The following COA1 variants were observed in gnomAD, a reference collection of about 807,000 sequenced individuals.
COA1 encodes cytochrome c oxidase assembly factor 1 homolog.
A neutral mutation model predicts 16.0 loss-of-function variants in COA1; 13 were observed. That is an observed-to-expected ratio of 0.81 (90% CI 0.53 to 1.29). The LOEUF (loss-of-function observed/expected upper bound fraction) is 1.29, where lower values mean the gene tolerates loss of function less well. Ranked by LOEUF, COA1 falls within the 50% of genes most tolerant of loss-of-function variation. The pLI is 0.00. For synonymous variants in COA1, 65 were observed against 65.7 expected (o/e 0.99, Z 0.05); for missense variants, 179 against 177.0 (o/e 1.01, Z -0.06).
At chr7:43,619,758 C>A (rs2153006314) in intron 6 of COA1, 1 of 1,605,010 alleles carries the variant, frequency 6.2e-7, no homozygotes, top group South Asian at 1.1e-5. Context: ...GTTCTGGGGT[C>A]AGGCATCACC....
chr7:43,728,571 A>C (rs999533168), intron 1 of COA1, among the ~76,000 whole-genome samples: 3 of 152,200 alleles, frequency 2.0e-5, no homozygotes, highest in Non-Finnish European at 1.5e-5. Flanking sequence ...AGTAGCAAAG[A>C]CTGAAAAACT....
chr7:43,648,314 T>C (rs2089998551), intron 2 of COA1: 1 of 543,078 alleles, frequency 1.8e-6, no homozygotes, highest in Non-Finnish European at 3.3e-6. Context: ...ATTAGTCAGA[T>C]CTTGCTTAAT....
At chr7:43,723,833 A>G (rs899732828) in intron 1 of COA1, among the ~76,000 whole-genome samples, 3 of 152,178 alleles carry the variant, frequency 2.0e-5, no homozygotes, top group South Asian at 2.1e-4. Context: ...GGGCTAAAGC[A>G]GGAGGATCAC....
At chr7:43,712,504 T>C (rs2095282617) in intron 1 of COA1, among the ~76,000 whole-genome samples, 1 of 152,342 alleles carries the variant, frequency 6.6e-6, no homozygotes, top group Middle Eastern at 3.4e-3. Flanking sequence ...TTCCTGATCC[T>C]GTATATGTGA....
chr7:43,677,782 G>A (rs1296119496), intron 1 of COA1, among the ~76,000 whole-genome samples: 4 of 130,100 alleles, frequency 3.1e-5, no homozygotes, highest in Non-Finnish European at 6.3e-5. Flanking sequence ...GCCTGGGTGA[G>A]AAAGGGAGGC....
chr7:43,682,826 G>A (rs922140389), intron 1 of COA1, among the ~76,000 whole-genome samples: 1 of 152,082 alleles, frequency 6.6e-6, no homozygotes. Flanking sequence ...ACCTATACAA[G>A]CTGATAGTTT....
chr7:43,644,129 C>G (rs73108619), intron 4 of COA1, among the ~76,000 whole-genome samples: 22,168 of 152,104 alleles, frequency 0.15, 2,185 homozygotes, highest in Non-Finnish European at 0.21. Flanking sequence ...GCATGCTGCT[C>G]CTCAGCCGGG....
intron 1 of COA1, among the ~76,000 whole-genome samples, chr7:43,686,244 C>T (rs2094014032): frequency 6.6e-6 from 1 of 151,270 alleles, no homozygotes; most frequent in Non-Finnish European, 1.5e-5. Flanking sequence ...TCTGTTAAGA[C>T]TTCCCTTAAG....
chr7:43,722,646 G>A (rs958053505), intron 1 of COA1, among the ~76,000 whole-genome samples: 1 of 151,620 alleles, frequency 6.6e-6, no homozygotes, highest in African/African-American at 2.4e-5. Context: ...CAAGTGATCC[G>A]ACTGCCTTGG....
chr7:43,624,962 A>G, intron 6 of COA1: 1 of 948,394 alleles, frequency 1.1e-6, no homozygotes, highest in Non-Finnish European at 1.5e-6. Context: ...TACACAAACA[A>G]AAATAACTTT....
chr7:43,692,082 A>C (rs2094390042), intron 1 of COA1, among the ~76,000 whole-genome samples: 1 of 152,224 alleles, frequency 6.6e-6, no homozygotes, highest in South Asian at 2.1e-4. Context: ...ACAAAGACCC[A>C]GAGAGAGATA....
intron 4 of COA1, among the ~76,000 whole-genome samples, chr7:43,642,802 T>G (rs1420994116): frequency 6.6e-6 from 1 of 152,138 alleles, no homozygotes; most frequent in East Asian, 1.9e-4. Flanking sequence ...CACACATACT[T>G]GGGAAAAAAT....
chr7:43,690,681 A>T (rs1014065937), intron 1 of COA1, among the ~76,000 whole-genome samples: 1 of 152,176 alleles, frequency 6.6e-6, no homozygotes, highest in Non-Finnish European at 1.5e-5. Context: ...ACCTATTGAA[A>T]TAGAAAAATA....
intron 1 of COA1, among the ~76,000 whole-genome samples, chr7:43,692,588 G>A (rs1402289370): frequency 1.3e-5 from 2 of 151,756 alleles, no homozygotes; most frequent in Non-Finnish European, 2.9e-5. Context: ...GGACAGAAAG[G>A]GGCACAAGTG....
rs1392116109 is a variant in COA1, at chr7:43,639,519, T to C, written c.*63A>G. ...TCACTGAGATGGGCCACCACCCCAG[T>C]GGCCATATGGTAGAGATGAGGGAAG... On this transcript the variant is annotated 3_prime_UTR_variant, in exon 6 of 6. Coordinates refer to ENST00000223336, the MANE Select transcript of COA1 (RefSeq NM_018224.4). 2.6e-5 allele frequency: 35 copies of C among 1,351,430 alleles called. No individual in the cohort carries two copies. The highest frequency in any genetic ancestry group is 4.2e-6 in the Non-Finnish European group (4 of 944,014). 83.7% of individuals were successfully genotyped at this position (1,351,430 alleles called of 1,614,324 possible).
chr7:43,666,605 T>C (rs1262359266), intron 1 of COA1, among the ~76,000 whole-genome samples: 4 of 152,220 alleles, frequency 2.6e-5, no homozygotes, highest in African/African-American at 7.2e-5. Flanking sequence ...TTAAGAATTA[T>C]TGGTAAAATG....
chr7:43,721,243 A>G (rs181362372), intron 1 of COA1, among the ~76,000 whole-genome samples: 367 of 152,394 alleles, frequency 2.4e-3, no homozygotes, highest in African/African-American at 8.5e-3. Context: ...GAATAAGATG[A>G]ATTTTGAAAT....
chr7:43,664,542 G>A lies in COA1; in HGVS notation c.-38-15890C>T, dbSNP rs1005766453. Among the ~76,000 whole-genome samples, 24 of 152,260 alleles carry A rather than the reference G, an allele frequency of 1.6e-4. 3 individuals are homozygous for A. The highest frequency in any genetic ancestry group is 8.5e-4 in the Admixed American group (13 of 15,298). On this transcript the variant is annotated intron_variant, in intron 1 of 5. Coordinates refer to ENST00000223336, the MANE Select transcript of COA1 (RefSeq NM_018224.4). ...ATTACAGAAGCATGTTCACCTTGTAGTAATCCCTGTTCCACCCTTAGAAAA... is the reference window on the plus strand; with the variant it reads ...ATTACAGAAGCATGTTCACCTTGTAATAATCCCTGTTCCACCCTTAGAAAA...
chr7:43,609,642 CTG>C (rs1325908458), intron 6 of COA1: 1 of 152,192 alleles, frequency 6.6e-6, no homozygotes, highest in African/African-American at 2.4e-5. Context: ...CCAGGTGCAA[CTG>C]TGGGGAAATG....
Sources: allele counts gnomAD v4.1 joint callset (sites outside exome capture counted in the v4.1 genomes callset), GRCh38; gene constraint gnomAD v4.1.1; transcripts MANE v1.5; gene names NCBI Gene and HGNC (gene_info 2026-07-23, HGNC 2026-07-21).